CEP63: variants seen among roughly 807,000 people sequenced by gnomAD.
CEP63 encodes centrosomal protein of 63 kDa.
A neutral mutation model predicts 89.1 loss-of-function variants in CEP63; 84 were observed. The ratio of observed to expected loss-of-function variants is 0.94; its 90% confidence interval spans 0.79 to 1.13. CEP63 has a LOEUF of 1.13. CEP63 is among the 50% of genes most tolerant of loss of function. The pLI, the probability that CEP63 is intolerant of heterozygous loss-of-function variation, is 0.00. For synonymous variants in CEP63, 267 were observed against 272.5 expected, an observed-to-expected ratio of 0.98 and a Z score of 0.20; for missense variants, 838 against 813.3, an observed-to-expected ratio of 1.03 and a Z score of -0.37.
At chr3:134,695,105 G>A in the CEP63 span, among the ~76,000 whole-genome samples, 4 of 152,188 alleles carry the variant, frequency 2.6e-5, no homozygotes, top group East Asian at 1.9e-4. Flanking sequence ...CAGGTCAGCC[G>A]GCCGGGACCT....
chr3:134,486,030 T>C (rs539901038), upstream of CEP63: 83 of 978,900 alleles, frequency 8.5e-5, no homozygotes, highest in East Asian at 3.5e-4. Context: ...CTGCACTCGC[T>C]TTCCTCGGAT....
chr3:134,730,102 G>A, the CEP63 span, among the ~76,000 whole-genome samples: 149,365 of 152,332 alleles, frequency 0.98, 73,290 homozygotes, highest in East Asian at 1. Flanking sequence ...AAATGAATGG[G>A]GTCTTACCCA....
At chr3:134,643,282 C>T in the CEP63 span, 2 of 1,609,568 alleles carry the variant, frequency 1.2e-6, no homozygotes, top group Admixed American at 3.3e-5. Context: ...CACACCTCTG[C>T]AGGGGAGGTC....
chr3:134,753,653 G>A, the CEP63 span, among the ~76,000 whole-genome samples: 1 of 152,196 alleles, frequency 6.6e-6, no homozygotes, highest in African/African-American at 2.4e-5. Flanking sequence ...CCAATGGTCA[G>A]GCACTAATCT....
intron 1 of CEP63, among the ~76,000 whole-genome samples, chr3:134,494,544 A>G (rs778472803): frequency 9.2e-5 from 14 of 152,162 alleles, no homozygotes; most frequent in South Asian, 2.1e-4. Flanking sequence ...AGGGGAGTTA[A>G]GTTCAGCCAA....
At chr3:134,644,091 C>T in the CEP63 span, among the ~76,000 whole-genome samples, 1 of 152,186 alleles carries the variant, frequency 6.6e-6, no homozygotes, top group Non-Finnish European at 1.5e-5. Context: ...TCCCAAAGTG[C>T]TGGGATTATA....
the CEP63 span, among the ~76,000 whole-genome samples, chr3:134,696,032 C>G: frequency 6.6e-6 from 1 of 152,224 alleles, no homozygotes; most frequent in East Asian, 1.9e-4. Flanking sequence ...CCTTGCCCAT[C>G]AGACATTGCT....
chr3:134,560,907 C>T (rs1453966942), intron 14 of CEP63, among the ~76,000 whole-genome samples: 2 of 152,182 alleles, frequency 1.3e-5, no homozygotes, highest in East Asian at 1.9e-4. Context: ...AATCAGAATT[C>T]TGAAATATCA....
the CEP63 span, chr3:134,607,329 G>A: frequency 2.0e-6 from 2 of 985,424 alleles, no homozygotes; most frequent in African/African-American, 1.7e-5. Context: ...GAAGGGACAA[G>A]TCAGTTGGAA....
At chr3:134,747,417 A>G in the CEP63 span, among the ~76,000 whole-genome samples, 1 of 152,228 alleles carries the variant, frequency 6.6e-6, no homozygotes, top group Admixed American at 6.5e-5. Flanking sequence ...ACTGATCACT[A>G]AACAGACAAT....
intron 11 of CEP63, among the ~76,000 whole-genome samples, chr3:134,551,189 A>G (rs1477216832): frequency 6.6e-6 from 1 of 152,216 alleles, no homozygotes; most frequent in East Asian, 1.9e-4. Flanking sequence ...GTAATAGTCA[A>G]TTCCACAGAA....
chr3:134,561,238 A>G (rs1305021021), intron 14 of CEP63, 139 bp from the exon 15 acceptor site: 2 of 844,298 alleles, frequency 2.4e-6, no homozygotes, highest in Non-Finnish European at 3.9e-6. Flanking sequence ...TCTTGTCATT[A>G]GGATGAAAAC....
chr3:134,662,451 A>G, the CEP63 span, among the ~76,000 whole-genome samples: 1 of 152,124 alleles, frequency 6.6e-6, no homozygotes, highest in African/African-American at 2.4e-5. Context: ...TAGCAGCCCA[A>G]ATGAACTAAG....
At chr3:134,570,604 T>C (rs1378826555) in intron 11 of CEP63, among the ~76,000 whole-genome samples, 2 of 152,206 alleles carry the variant, frequency 1.3e-5, no homozygotes, top group Non-Finnish European at 2.9e-5. Context: ...TCAACAAGTC[T>C]CTAGGAAGTT....
chr3:134,704,774 G>T, the CEP63 span, among the ~76,000 whole-genome samples: 1 of 152,244 alleles, frequency 6.6e-6, no homozygotes, highest in African/African-American at 2.4e-5. Flanking sequence ...GACAAGCTGG[G>T]ACTTGCTCTT....
intron 11 of CEP63, among the ~76,000 whole-genome samples, chr3:134,573,302 G>C (rs1029793100): frequency 2.0e-5 from 3 of 152,142 alleles, no homozygotes; most frequent in Non-Finnish European, 4.4e-5. Context: ...TGCTTTTGGG[G>C]ACTTAGTCAT....
chr3:134,557,380 T>G (rs1032948341), intron 12 of CEP63, among the ~76,000 whole-genome samples: 2 of 48,036 alleles, frequency 4.2e-5, no homozygotes, highest in African/African-American at 8.5e-5. Flanking sequence ...TAATTTGTTT[T>G]TTTTTTTTTT....
At chr3:134,512,022 T>C (rs749601112) in intron 3 of CEP63, among the ~76,000 whole-genome samples, 1 of 152,228 alleles carries the variant, frequency 6.6e-6, no homozygotes, top group Non-Finnish European at 1.5e-5. Context: ...TAAATCATTG[T>C]AGAGAGCAAA....
the CEP63 span, among the ~76,000 whole-genome samples, chr3:134,673,234 T>G: frequency 3.0e-4 from 45 of 152,172 alleles, no homozygotes; most frequent in African/African-American, 1.1e-3. Flanking sequence ...TTAACTCCAG[T>G]GCTTTTCACT....
Sources: gnomAD v4.1 joint callset for allele counts (sites outside exome capture counted in the v4.1 genomes callset) on GRCh38, gnomAD v4.1.1 for gene constraint, MANE v1.5 for transcripts, NCBI Gene and HGNC (gene_info 2026-07-23, HGNC 2026-07-21) for gene names.